The following ZMYND8 variants were observed in gnomAD, a reference collection of about 807,000 sequenced individuals.
ZMYND8 encodes zinc finger MYND-type containing 8, also known as MYND-type zinc finger-containing chromatin reader ZMYND8.
ZMYND8 carries 37 observed loss-of-function variants against 140.8 expected under a neutral mutation model. That is an observed-to-expected ratio of 0.26 (90% CI 0.20 to 0.35). The LOEUF is 0.35. Among genes scored for constraint, ZMYND8 ranks in the 10% least tolerant of loss-of-function variants. The probability of loss-of-function intolerance (pLI) is 1.00; values close to 1 mark genes in which losing one functional copy is unlikely to be tolerated. For synonymous variants in ZMYND8, 592 were observed against 597.1 expected (o/e 0.99, Z 0.12); for missense variants, 1,068 against 1,570.0 (o/e 0.68, Z 5.40).
chr20:47,334,225 TC>T lies in ZMYND8; in HGVS notation c.85+13630del, dbSNP rs1330375025. On this transcript the variant is annotated intron_variant, in intron 2 of 22. Coordinates refer to ENST00000471951, the MANE Select transcript of ZMYND8 (RefSeq NM_001281775.3). ...AGGTGCCTGGCACCCCAAGAGAGTCTCATACTGATGCTAGCCAGAGAAAAGA... is the reference window on the plus strand; with the variant it reads ...AGGTGCCTGGCACCCCAAGAGAGTCTATACTGATGCTAGCCAGAGAAAAGA... Among the ~76,000 whole-genome samples the T allele has an allele frequency of 2.0e-5, 3 of 152,144 alleles. No individual in the cohort carries two copies. In the East Asian group the frequency reaches 5.8e-4, roughly 29 times the overall value.
At position 47,255,628 on chromosome 20, in the gene ZMYND8, CTCAGTATAT is replaced by C. The variant is rs2147433185; in HGVS notation, c.1622-6198_1622-6190del. On this transcript the variant is annotated intron_variant, in intron 12 of 22. Transcript: ENST00000471951. ...TATATATACACACCATATACATATACTCAGTATATATATACCATATACATATACTCAGTA... is the reference window on the plus strand; with the variant it reads ...TATATATACACACCATATACATATACATATACCATATACATATACTCAGTA... Among the ~76,000 whole-genome samples, 3 of 131,198 alleles carry C rather than the reference CTCAGTATAT, an allele frequency of 2.3e-5. No individual in the cohort carries two copies. In the South Asian group the frequency reaches 7.6e-4, roughly 33 times the overall value. 86.1% of individuals were successfully genotyped at this position (131,198 alleles called of 152,430 possible). A position where few individuals can be genotyped will look rare whatever the true frequency, so the allele number is the denominator to read the frequency against.
intron 11 of ZMYND8, among the ~76,000 whole-genome samples, chr20:47,265,068 A>ATATATATATATATATATG (rs1555948705): frequency 0.044 from 6,360 of 144,016 alleles, 261 homozygotes; most frequent in East Asian, 0.13. Context: ...ATATATATAT[A>ATATATATATATATATATG]GGCATTTTAA....
At chr20:47,214,355 TCTCA>T (rs2035751921) in intron 21 of ZMYND8, among the ~76,000 whole-genome samples, 1 of 152,184 alleles carries the variant, frequency 6.6e-6, no homozygotes, top group Non-Finnish European at 1.5e-5. Context: ...CCCTGCAGCT[TCTCA>T]CTCACACTCT....
intron 11 of ZMYND8, among the ~76,000 whole-genome samples, chr20:47,270,013 G>A (rs6066262): frequency 0.24 from 36,376 of 152,082 alleles, 4,699 homozygotes; most frequent in Non-Finnish European, 0.3. Context: ...GGAGGCTGAG[G>A]CAGGCAGATC....
intron 2 of ZMYND8, chr20:47,319,055 G>A: frequency 2.2e-6 from 3 of 1,347,414 alleles, no homozygotes; most frequent in South Asian, 2.3e-5. Context: ...ATCCTCAGCG[G>A]CCTCTCCCAG....
At chr20:47,270,606 G>GCC (rs2075859492) in intron 11 of ZMYND8, among the ~76,000 whole-genome samples, 1 of 144,322 alleles carries the variant, frequency 6.9e-6, no homozygotes, top group South Asian at 2.2e-4. Context: ...TGTGCCTGTA[G>GCC]CCCCAGCTAC....
intron 19 of ZMYND8, among the ~76,000 whole-genome samples, chr20:47,223,478 C>G (rs949374333): frequency 6.6e-6 from 1 of 151,846 alleles, no homozygotes; most frequent in Non-Finnish European, 1.5e-5. Context: ...GCACTCCAGC[C>G]TGGGGGACAA....
chr20:47,351,987 G>A (rs2082821949), intron 1 of ZMYND8: 3 of 985,316 alleles, frequency 3.0e-6, no homozygotes, highest in Non-Finnish European at 3.6e-6. Flanking sequence ...AGGTTCCTAA[G>A]GAAAAGCCTT....
At position 47,209,800 on chromosome 20, in the gene ZMYND8, C is replaced by A. The variant is rs182523212; in HGVS notation, c.*961G>T. 1.0e-4 allele frequency: 16 copies of A among 152,732 alleles called. 1 individual carries two copies. The East Asian group carries it at 2.7e-3, about 26-fold the overall frequency. 9.5% of individuals were successfully genotyped at this position (152,732 alleles called of 1,614,324 possible). The stretch of plus-strand genomic sequence containing the variant: ...CCTGTGTTTCATGCTTACATAAAAA[C>A]GTGAAATTCCATCATATAAATAATA... On this transcript the variant is annotated 3_prime_UTR_variant, in exon 23 of 23. Transcript: ENST00000471951.
chr20:47,212,607 C>T (rs1286563638), intron 22 of ZMYND8, 35 bp downstream of exon 22: 2 of 1,609,612 alleles, frequency 1.2e-6, no homozygotes, highest in African/African-American at 1.3e-5. Context: ...CAGGAAGAAG[C>T]CCCGGCAGCT....
chr20:47,309,617 T>C (rs916226631), intron 3 of ZMYND8, among the ~76,000 whole-genome samples: 2 of 152,052 alleles, frequency 1.3e-5, no homozygotes, highest in African/African-American at 4.8e-5. Flanking sequence ...TCTAAACCCT[T>C]CATTTTACAG....
chr20:47,275,670 A>AT (rs1266598900), intron 11 of ZMYND8, among the ~76,000 whole-genome samples: 1 of 152,098 alleles, frequency 6.6e-6, no homozygotes, highest in Non-Finnish European at 1.5e-5. Context: ...CAGCGCAATC[A>AT]TAGCTCACTG....
intron 21 of ZMYND8, among the ~76,000 whole-genome samples, chr20:47,215,315 G>A (rs2035921111): frequency 6.6e-6 from 1 of 152,120 alleles, no homozygotes; most frequent in South Asian, 2.1e-4. Context: ...AGAGGTTGCA[G>A]TGAGCCAAGA....
chr20:47,235,227 T>C (rs1405530814), intron 16 of ZMYND8, among the ~76,000 whole-genome samples: 3 of 152,212 alleles, frequency 2.0e-5, no homozygotes, highest in East Asian at 3.8e-4. Context: ...ATGCCAGGCA[T>C]TGTTCTAGGC....
chr20:47,262,927 C>G (rs1452701938), intron 11 of ZMYND8, among the ~76,000 whole-genome samples: 1 of 152,168 alleles, frequency 6.6e-6, no homozygotes, highest in East Asian at 1.9e-4. Flanking sequence ...TTCAAAGGTT[C>G]TTGAGGCTAT....
chr20:47,314,255 T>C (rs769240603), intron 2 of ZMYND8, among the ~76,000 whole-genome samples: 6 of 152,068 alleles, frequency 3.9e-5, no homozygotes, highest in Non-Finnish European at 7.4e-5. Context: ...TCCCAGCACC[T>C]TGGGAGGCTG....
At chr20:47,239,593 G>A (rs2039691349) in intron 14 of ZMYND8, among the ~76,000 whole-genome samples, 1 of 152,240 alleles carries the variant, frequency 6.6e-6, no homozygotes, top group Non-Finnish European at 1.5e-5. Context: ...AACGTAGAAA[G>A]CAATACCTCC....
At chr20:47,239,286 G>T in intron 14 of ZMYND8, 148 bp from the exon 15 acceptor site, 1 of 1,097,336 alleles carries the variant, frequency 9.1e-7, no homozygotes, top group Non-Finnish European at 1.2e-6. Context: ...CGCGCTGGAG[G>T]AGTACATTCT....
chr20:47,336,643 G>T (rs2081407378), intron 2 of ZMYND8, among the ~76,000 whole-genome samples: 1 of 152,178 alleles, frequency 6.6e-6, no homozygotes, highest in Non-Finnish European at 1.5e-5. Flanking sequence ...ATTGTGCCTT[G>T]GCCAGTCTCG....
Sources: gnomAD v4.1 joint callset for allele counts (sites outside exome capture counted in the v4.1 genomes callset) on GRCh38, gnomAD v4.1.1 for gene constraint, MANE v1.5 for transcripts, NCBI Gene and HGNC (gene_info 2026-07-23, HGNC 2026-07-21) for gene names.